QTMAN: variants seen among roughly 807,000 people sequenced by gnomAD.
QTMAN encodes the protein tRNA-queuosine alpha-mannosyltransferase.
the QTMAN span, among the ~76,000 whole-genome samples, chr2:144,031,741 G>A: frequency 4.6e-5 from 7 of 151,982 alleles, no homozygotes; most frequent in African/African-American, 1.4e-4. Flanking sequence ...ATGCTCTTAG[G>A]GGGTATGATT....
chr2:144,053,394 A>G, the QTMAN span, among the ~76,000 whole-genome samples: 1 of 152,236 alleles, frequency 6.6e-6, no homozygotes, highest in African/African-American at 2.4e-5. Context: ...ACATAAAATC[A>G]TAAGATACTC....
At chr2:143,990,456 G>C in the QTMAN span, among the ~76,000 whole-genome samples, 1 of 152,116 alleles carries the variant, frequency 6.6e-6, no homozygotes, top group Non-Finnish European at 1.5e-5. Flanking sequence ...AAAATTAGAA[G>C]GCTATTAAGT....
the QTMAN span, among the ~76,000 whole-genome samples, chr2:144,157,143 T>C: frequency 6.6e-6 from 1 of 152,096 alleles, no homozygotes; most frequent in African/African-American, 2.4e-5. Flanking sequence ...GAAAAAAAGT[T>C]TGAAAAACTT....
At chr2:144,217,872 T>G in the QTMAN span, among the ~76,000 whole-genome samples, 1 of 152,194 alleles carries the variant, frequency 6.6e-6, no homozygotes, top group East Asian at 1.9e-4. Flanking sequence ...TCAAGCAAAG[T>G]CAAGGTTCTC....
At chr2:144,097,488 G>GT in the QTMAN span, among the ~76,000 whole-genome samples, 14 of 152,174 alleles carry the variant, frequency 9.2e-5, no homozygotes, top group Non-Finnish European at 2.1e-4. Context: ...TGTCCCCAGT[G>GT]TGTCTGTTTG....
the QTMAN span, among the ~76,000 whole-genome samples, chr2:143,967,317 T>C: frequency 6.6e-6 from 1 of 152,092 alleles, no homozygotes; most frequent in African/African-American, 2.4e-5. Flanking sequence ...TCTGGCTAGG[T>C]ATCACATAGT....
the QTMAN span, among the ~76,000 whole-genome samples, chr2:143,975,775 T>G: frequency 6.6e-6 from 1 of 152,166 alleles, no homozygotes; most frequent in African/African-American, 2.4e-5. Context: ...GGTTGCCACA[T>G]GGAGGAGAGT....
chr2:143,989,262 T>G, the QTMAN span, among the ~76,000 whole-genome samples: 1 of 152,062 alleles, frequency 6.6e-6, no homozygotes, highest in East Asian at 1.9e-4. Context: ...AATATAATTT[T>G]TTAAATGTAA....
At chr2:144,107,776 C>A in the QTMAN span, among the ~76,000 whole-genome samples, 1 of 152,166 alleles carries the variant, frequency 6.6e-6, no homozygotes, top group African/African-American at 2.4e-5. Context: ...CATCCTGATA[C>A]CAAAGCCTGA....
At chr2:144,037,090 G>T in the QTMAN span, among the ~76,000 whole-genome samples, 3 of 152,260 alleles carry the variant, frequency 2.0e-5, no homozygotes, top group African/African-American at 4.8e-5. Context: ...CAGACTGATG[G>T]TTGCCAGGGG....
the QTMAN span, among the ~76,000 whole-genome samples, chr2:144,330,204 G>C: frequency 6.6e-6 from 1 of 152,194 alleles, no homozygotes; most frequent in Non-Finnish European, 1.5e-5. Context: ...GGTCCCATAA[G>C]ATTATAATAC....
the QTMAN span, among the ~76,000 whole-genome samples, chr2:144,094,240 C>A: frequency 2.0e-5 from 3 of 151,896 alleles, no homozygotes; most frequent in African/African-American, 7.3e-5. Context: ...ACTTTTTGAT[C>A]AATAATCAAA....
the QTMAN span, among the ~76,000 whole-genome samples, chr2:144,104,156 T>C: frequency 2.6e-5 from 4 of 151,496 alleles, no homozygotes; most frequent in East Asian, 7.8e-4. Flanking sequence ...TAGGAATAGG[T>C]CCAGTCTACA....
the QTMAN span, among the ~76,000 whole-genome samples, chr2:144,301,678 A>AT: frequency 2.6e-5 from 4 of 152,246 alleles, no homozygotes; most frequent in East Asian, 5.8e-4. Context: ...AAATACAGCC[A>AT]TAAGAGGCTC....
the QTMAN span, among the ~76,000 whole-genome samples, chr2:144,304,248 A>G: frequency 6.6e-6 from 1 of 152,232 alleles, no homozygotes; most frequent in Non-Finnish European, 1.5e-5. Flanking sequence ...TTACCTCTGT[A>G]TAGTTTACCT....
chr2:144,042,619 G>C, the QTMAN span, among the ~76,000 whole-genome samples: 1 of 151,822 alleles, frequency 6.6e-6, no homozygotes, highest in Non-Finnish European at 1.5e-5. Flanking sequence ...AAATTAGCTG[G>C]CGTGGTGGTA....
At chr2:144,124,320 G>A in the QTMAN span, among the ~76,000 whole-genome samples, 1 of 152,114 alleles carries the variant, frequency 6.6e-6, no homozygotes, top group Non-Finnish European at 1.5e-5. Context: ...CATTTGAAAT[G>A]GGACTACAGG....
At chr2:144,159,956 A>G in the QTMAN span, among the ~76,000 whole-genome samples, 1 of 152,078 alleles carries the variant, frequency 6.6e-6, no homozygotes, top group Non-Finnish European at 1.5e-5. Flanking sequence ...GGAGTAGAGA[A>G]ACAAAAGGCA....
the QTMAN span, among the ~76,000 whole-genome samples, chr2:144,328,176 C>T: frequency 6.6e-6 from 1 of 152,238 alleles, no homozygotes; most frequent in African/African-American, 2.4e-5. Context: ...GTCTCGAACT[C>T]CTTACCTCAG....
Sources: allele counts gnomAD v4.1 joint callset (sites outside exome capture counted in the v4.1 genomes callset), GRCh38; gene constraint gnomAD v4.1.1; transcripts MANE v1.5; gene names NCBI Gene and HGNC (gene_info 2026-07-23, HGNC 2026-07-21).